CTPS1: variants seen among roughly 807,000 people sequenced by gnomAD.
CTPS1 encodes CTP synthetase 1.
Under a neutral mutation model 80.5 loss-of-function variants are expected in CTPS1, and 25 were observed. The ratio of observed to expected loss-of-function variants is 0.31; its 90% CI spans 0.23 to 0.43. The LOEUF (loss-of-function observed/expected upper bound fraction) is 0.43. Ranked by LOEUF, CTPS1 falls within the 20% of genes least tolerant of loss-of-function variation. The pLI is 1.00. For synonymous variants in CTPS1, 267 were observed against 252.5 expected, an observed-to-expected ratio of 1.06 and a Z score of -0.54; for missense variants, 442 against 725.7, an observed-to-expected ratio of 0.61 and a Z score of 4.49.
chr1:40,999,416 A>G (rs1642845838), intron 9 of CTPS1, among the ~76,000 whole-genome samples: 1 of 152,192 alleles, frequency 6.6e-6, no homozygotes, highest in Non-Finnish European at 1.5e-5. Context: ...CCTAATTTAA[A>G]AAGTGGGCAC....
chr1:40,995,080 A>ATGGGCTTT (rs1220887007), intron 7 of CTPS1, among the ~76,000 whole-genome samples: 1 of 152,186 alleles, frequency 6.6e-6, no homozygotes, highest in African/African-American at 2.4e-5. Flanking sequence ...GGGGTGCAGC[A>ATGGGCTTT]TGGGCTTTTG....
At position 41,003,137 on chromosome 1, in the gene CTPS1, G is replaced by A; in HGVS notation, c.1213G>A (p.Ala405Thr). Residue 405 changes from alanine (A) to threonine (T), a missense_variant, in exon 12 of 19, where the codon GCA becomes ACA. This residue lies in a region of CTPS1 where 321 missense variants were observed against 467.2 expected (regional missense o/e 0.69). Transcript: ENST00000650070. ...AGGCGTGTGCTTAGGGATGCAGTTGGCAGTGGTTGAATTCTCAAGAAACGT... is the reference window on the plus strand; with the variant it reads ...AGGCGTGTGCTTAGGGATGCAGTTGACAGTGGTTGAATTCTCAAGAAACGT... ...FLGVCLGMQL[A>T]VVEFSRNVLG... 2 of 1,614,196 alleles carry A rather than the reference G, an allele frequency of 1.2e-6. No homozygotes were observed. Among genetic ancestry groups the A allele is most frequent in the Non-Finnish European group, 1.7e-6 (2 of 1,180,028 alleles).
At chr1:40,981,406 G>GAGAT (rs1358966076) in intron 1 of CTPS1, among the ~76,000 whole-genome samples, 10 of 152,240 alleles carry the variant, frequency 6.6e-5, no homozygotes, top group Admixed American at 6.5e-5. Flanking sequence ...GTAATTGGAT[G>GAGAT]AGATGAATCT....
intron 5 of CTPS1, among the ~76,000 whole-genome samples, chr1:40,990,758 C>T (rs1324518072): frequency 6.6e-6 from 1 of 152,138 alleles, no homozygotes; most frequent in Non-Finnish European, 1.5e-5. Context: ...GGTTTGGGAA[C>T]AGTATTTAAA....
At chr1:41,001,286 T>C (rs1642897290) in intron 10 of CTPS1, among the ~76,000 whole-genome samples, 169 bp downstream of exon 10, 1 of 152,244 alleles carries the variant, frequency 6.6e-6, no homozygotes, top group Non-Finnish European at 1.5e-5. Flanking sequence ...ATGCAGCTTG[T>C]CAATATCATT....
At chr1:40,997,294 T>G in intron 8 of CTPS1, 100 bp from the exon 9 acceptor site, 1 of 1,408,558 alleles carries the variant, frequency 7.1e-7, no homozygotes, top group Non-Finnish European at 9.7e-7. Flanking sequence ...GAGCTCATCC[T>G]GGCCAGACGT....
At chr1:40,991,957 T>A (rs761815773) in intron 7 of CTPS1, 112 bp downstream of exon 7, 1 of 818,858 alleles carries the variant, frequency 1.2e-6, no homozygotes, top group Admixed American at 2.1e-5. Flanking sequence ...AGTGGGCTGT[T>A]CCAGAAGAAC....
intron 7 of CTPS1, among the ~76,000 whole-genome samples, chr1:40,994,385 G>A (rs1227526166): frequency 1.3e-5 from 2 of 152,002 alleles, no homozygotes. Flanking sequence ...AAAAATAAAG[G>A]TACATTATAG....
At chr1:41,010,064 G>A (rs1304011770) in intron 17 of CTPS1, 97 bp from the exon 18 acceptor site, 1 of 723,994 alleles carries the variant, frequency 1.4e-6, no homozygotes, top group African/African-American at 1.8e-5. Flanking sequence ...CCTGCCATGT[G>A]CAGGCAAGTG....
At chr1:40,982,148 CT>C (rs1482863751) in intron 1 of CTPS1, among the ~76,000 whole-genome samples, 1 of 152,134 alleles carries the variant, frequency 6.6e-6, no homozygotes, top group Non-Finnish European at 1.5e-5. Context: ...CTTGTCGATG[CT>C]GTTTTCACCT....
chr1:41,005,683 G>A (rs755775728), intron 12 of CTPS1, among the ~76,000 whole-genome samples: 3 of 152,182 alleles, frequency 2.0e-5, no homozygotes, highest in Non-Finnish European at 4.4e-5. Context: ...AAAGCAGGAG[G>A]ATTGCTTGAG....
intron 8 of CTPS1, 90 bp from the exon 9 acceptor site, chr1:40,997,304 T>C: frequency 2.1e-6 from 3 of 1,458,174 alleles, no homozygotes; most frequent in African/African-American, 2.8e-5. Flanking sequence ...TGGCCAGACG[T>C]GGTTTTTTTT....
chr1:40,981,845 AGT>A (rs1642309117), intron 1 of CTPS1: 1 of 353,468 alleles, frequency 2.8e-6, no homozygotes, highest in South Asian at 2.5e-5. Context: ...TTCCCTGCCA[AGT>A]GTGTTCTTTC....
At chr1:41,011,272 A>G (rs924080424) in intron 18 of CTPS1, among the ~76,000 whole-genome samples, 2 of 152,224 alleles carry the variant, frequency 1.3e-5, no homozygotes, top group African/African-American at 4.8e-5. Flanking sequence ...TCCCCTGACC[A>G]GGGAGTTTGC....
chr1:40,988,204 G>A (rs1421899949), intron 4 of CTPS1, among the ~76,000 whole-genome samples: 5 of 151,938 alleles, frequency 3.3e-5, no homozygotes, highest in African/African-American at 9.7e-5. Context: ...GTGAGCCACC[G>A]TGCCCAGCCA....
Position 41,011,818 on chromosome 1 carries a change from A to G in CTPS1, c.*170A>G, listed in dbSNP as rs974093432. On this transcript the variant is annotated 3_prime_UTR_variant, in exon 19 of 19. Transcript: ENST00000650070. The stretch of plus-strand genomic sequence containing the variant: ...GTCACTTGCATGTCCCATCACGTGT[A>G]CTGGCTCCTCTGTGGTGTCTGCCTG... The G allele has an allele frequency of 2.0e-5, 3 of 152,166 alleles. No homozygotes were observed. Among genetic ancestry groups the G allele is most frequent in the African/African-American group, 7.2e-5 (3 of 41,434 alleles). 9.4% of individuals were successfully genotyped at this position (152,166 alleles called of 1,614,324 possible).
chr1:40,984,112 A>T (rs1642390160), intron 2 of CTPS1, among the ~76,000 whole-genome samples: 1 of 152,240 alleles, frequency 6.6e-6, no homozygotes. Context: ...AAATCCTCGT[A>T]ACAAATGGCA....
At chr1:40,986,446 A>G (rs1313171928) in intron 3 of CTPS1, among the ~76,000 whole-genome samples, 1 of 152,268 alleles carries the variant, frequency 6.6e-6, no homozygotes, top group African/African-American at 2.4e-5. Context: ...GGGCCGCAGC[A>G]AGAAGCTAGG....
chr1:41,006,757 G>A (rs962373014), intron 13 of CTPS1, among the ~76,000 whole-genome samples: 1 of 152,218 alleles, frequency 6.6e-6, no homozygotes, highest in Non-Finnish European at 1.5e-5. Flanking sequence ...CGTACTATAT[G>A]CTGGGACTGC....
Sources: allele counts gnomAD v4.1 joint callset (sites outside exome capture counted in the v4.1 genomes callset), GRCh38; gene constraint gnomAD v4.1.1; regional missense constraint gnomAD v4.1.1; transcripts MANE v1.5; gene names NCBI Gene and HGNC (gene_info 2026-07-23, HGNC 2026-07-21).